RPTOR: variants seen among roughly 807,000 people sequenced by gnomAD.
RPTOR encodes regulatory-associated protein of mTOR.
RPTOR carries 21 observed loss-of-function variants against 169.9 expected under a neutral mutation model. The ratio of observed to expected loss-of-function variants is 0.12; its 90% CI spans 0.09 to 0.18. The LOEUF is 0.18. Ranked by LOEUF, RPTOR falls within the 10% of genes least tolerant of loss-of-function variation. RPTOR has a pLI of 1.00. For missense variants in RPTOR, 1,133 were observed against 1,855.9 expected (o/e 0.61, Z 7.16); for synonymous variants, 732 against 753.2 (o/e 0.97, Z 0.46).
intron 3 of RPTOR, among the ~76,000 whole-genome samples, chr17:80,661,415 C>T (rs2065722928): frequency 6.6e-6 from 1 of 152,160 alleles, no homozygotes; most frequent in Admixed American, 6.5e-5. Context: ...AGAGGAGTCG[C>T]GCGGGAGCCC....
intron 3 of RPTOR, among the ~76,000 whole-genome samples, chr17:80,678,393 C>G (rs1041937992): frequency 2.0e-5 from 3 of 152,026 alleles, no homozygotes; most frequent in African/African-American, 7.2e-5. Context: ...TGGCTTGAGC[C>G]CAGGAGTTCG....
At chr17:80,581,905 T>C (rs1217198293) in intron 1 of RPTOR, among the ~76,000 whole-genome samples, 1 of 152,230 alleles carries the variant, frequency 6.6e-6, no homozygotes, top group African/African-American at 2.4e-5. Flanking sequence ...TCTAGGACCC[T>C]GAGAAACCTG....
intron 33 of RPTOR, 122 bp from the exon 34 acceptor site, chr17:80,964,140 C>A: frequency 1.2e-6 from 1 of 827,786 alleles, no homozygotes. Flanking sequence ...CTGAGGTGGG[C>A]GTGGGGGTTC....
At chr17:80,888,137 G>C (rs903506601) in intron 17 of RPTOR, among the ~76,000 whole-genome samples, 1 of 152,126 alleles carries the variant, frequency 6.6e-6, no homozygotes, top group Non-Finnish European at 1.5e-5. Context: ...ATTTTATTTT[G>C]AAACAGAGTC....
rs147360554 is a variant in RPTOR, at chr17:80,872,256, C to T, written c.1510-8159C>T. Among the ~76,000 whole-genome samples the T allele has an allele frequency of 3.0e-3, 461 of 152,322 alleles. 5 individuals are homozygous for T. The highest frequency in any genetic ancestry group is 4.3e-3 in the Non-Finnish European group (291 of 68,020). ...TTGAGGGGACTCCGGGTGATGCTTT[C>T]GTCGTTTGGAAAGTAGCACTGCTGT... On this transcript the variant is annotated intron_variant, in intron 13 of 33. Transcript: ENST00000306801.
chr17:80,844,976 G>GTTT lies in RPTOR; in HGVS notation c.1213-1486_1213-1484dup, dbSNP rs35113597. On this transcript the variant is annotated intron_variant, in intron 10 of 33. Transcript: ENST00000306801. This position sits in a 1 kb window ranked among gnomAD's most constrained non-coding sequence, Gnocchi z 4.7. Reference sequence around the variant, plus strand: ...GGATGGGAGAGAGAGGCTGGTAGTTGTTTTTTTTTTTTTCTTTAATTCTTT... The same window carrying GTTT: ...GGATGGGAGAGAGAGGCTGGTAGTTGTTTTTTTTTTTTTTTTCTTTAATTCTTT... Among the ~76,000 whole-genome samples, 15,415 of 145,162 alleles carry GTTT rather than the reference G, an allele frequency of 0.11. 864 individuals are homozygous for GTTT. Among genetic ancestry groups the GTTT allele is most frequent in the Middle Eastern group, 0.14 (37 of 270 alleles).
chr17:80,940,514 C>A lies in RPTOR; in HGVS notation c.2938C>A (p.Leu980Met). 1.9e-6 allele frequency: 3 copies of A among 1,613,788 alleles called. No individual in the cohort carries two copies. In the Admixed American group the frequency reaches 5.0e-5, roughly 27 times the overall value. ...GTTGAAGATCCCAGAAGAGCACGACCTGGAGAGTCAGATCCGCAAGGAGCG... is the reference window on the plus strand; with the variant it reads ...GTTGAAGATCCCAGAAGAGCACGACATGGAGAGTCAGATCCGCAAGGAGCG... ...PVMKIPEEHD[L>M]ESQIRKEREW... Residue 980 changes from leucine (L) to methionine (M), a missense_variant, in exon 25 of 34, where the codon CTG becomes ATG. Around this residue, in one of 9 missense-constraint regions of RPTOR, gnomAD observed 410 missense variants for 623.7 expected, o/e 0.66. Transcript: ENST00000306801.
chr17:80,809,019 T>G (rs2067246586), intron 7 of RPTOR, among the ~76,000 whole-genome samples: 1 of 152,238 alleles, frequency 6.6e-6, no homozygotes, highest in South Asian at 2.1e-4. Flanking sequence ...TTCTCCTGGA[T>G]AAATACCGGA....
At chr17:80,949,309 C>T (rs951600573) in intron 27 of RPTOR, 134 bp from the exon 28 acceptor site, 49 of 757,652 alleles carry the variant, frequency 6.5e-5, no homozygotes, top group Admixed American at 4.5e-4. Context: ...TCTGGAACCA[C>T]GGGTAGTGAG....
Position 80,963,071 on chromosome 17 carries a change from TGGGTGGG to T in RPTOR, c.3939+17_3939+23del. The T allele has an allele frequency of 8.3e-6, 1 of 120,856 alleles. No homozygotes were observed. 7.5% of individuals were successfully genotyped at this position (120,856 alleles called of 1,614,324 possible). On this transcript the variant is annotated intron_variant, in intron 33 of 33. Transcript: ENST00000306801. ...CACCCGCACTGGGTCAGTGTGGCGG[TGGGTGGG>T]GGTCGGGGGTCGGGGGCTGGGGTAG...
At chr17:80,855,413 T>C (rs2143743967) in intron 11 of RPTOR, 51 bp from the exon 12 acceptor site, 1 of 1,369,736 alleles carries the variant, frequency 7.3e-7, no homozygotes, top group Non-Finnish European at 1.0e-6. Context: ...CGTTTCGGGG[T>C]TGCACACCAG....
chr17:80,611,938 C>T (rs1363933389), intron 1 of RPTOR, among the ~76,000 whole-genome samples: 2 of 152,114 alleles, frequency 1.3e-5, no homozygotes, highest in Non-Finnish European at 2.9e-5. Flanking sequence ...CATCATTTCA[C>T]TTGTCTTTTC....
intron 13 of RPTOR, among the ~76,000 whole-genome samples, chr17:80,865,646 A>G (rs1223695355): frequency 6.6e-6 from 1 of 152,144 alleles, no homozygotes; most frequent in Non-Finnish European, 1.5e-5. Context: ...ATAGAGTTTC[A>G]AAATACATCC....
At position 80,651,994 on chromosome 17, in the gene RPTOR, G is replaced by T. The variant is rs117359553; in HGVS notation, c.348+8184G>T. Among the ~76,000 whole-genome samples, 3 of 143,084 alleles carry T rather than the reference G, an allele frequency of 2.1e-5. No homozygotes were observed. The highest frequency in any genetic ancestry group is 8.2e-5 in the African/African-American group (3 of 36,676). 93.9% of individuals were successfully genotyped at this position (143,084 alleles called of 152,430 possible). A position where few individuals can be genotyped will look rare whatever the true frequency, so the allele number is the denominator to read the frequency against. On this transcript the variant is annotated intron_variant, in intron 3 of 33. Transcript: ENST00000306801. This position sits in a 1 kb window ranked among gnomAD's most constrained non-coding sequence, Gnocchi z 4.1. ...CTGCACTCCAGCCTGGGGCGACAGC[G>T]TGAGACTCCGTCTCAAAAAAAAAAA...
At chr17:80,775,788 T>A (rs1463907394) in intron 6 of RPTOR, among the ~76,000 whole-genome samples, 1 of 152,234 alleles carries the variant, frequency 6.6e-6, no homozygotes, top group Non-Finnish European at 1.5e-5. Flanking sequence ...AAAGAAAAAT[T>A]ACCCAGAATC....
At chr17:80,797,689 C>T (rs2067114225) in intron 7 of RPTOR, among the ~76,000 whole-genome samples, 1 of 152,252 alleles carries the variant, frequency 6.6e-6, no homozygotes, top group South Asian at 2.1e-4. Flanking sequence ...GTGGTTTTTA[C>T]AGTCAGAGGA....
chr17:80,893,733 G>A lies in RPTOR; in HGVS notation c.2269G>A (p.Gly757Arg), dbSNP rs185118480. The A allele has an allele frequency of 3.1e-5, 50 of 1,609,400 alleles. 1 individual carries two copies. Among genetic ancestry groups the A allele is most frequent in the Non-Finnish European group, 1.5e-5 (18 of 1,177,642 alleles). Residue 757 changes from glycine (G) to arginine (R), a missense_variant, in exon 20 of 34, where the codon GGA becomes AGA. Coordinates refer to ENST00000306801, the MANE Select transcript of RPTOR (RefSeq NM_020761.3). ...ESGGAVAFSP[G>R]NLSTSSSASS... The stretch of plus-strand genomic sequence containing the variant: ...TGGTGGCGCGGTGGCGTTCTCCCCC[G>A]GAAACCTCAGCACCAGCAGCAGCGC...
chr17:80,700,644 T>TGGTGGTGATGATGGTGAC (rs2066083992), intron 3 of RPTOR, among the ~76,000 whole-genome samples: 1 of 148,298 alleles, frequency 6.7e-6, no homozygotes, highest in African/African-American at 2.5e-5. Context: ...ATGATGGTGG[T>TGGTGGTGATGATGGTGAC]GGTGATGGTA....
intron 10 of RPTOR, among the ~76,000 whole-genome samples, chr17:80,843,840 G>A (rs1271703318): frequency 1.3e-5 from 2 of 152,194 alleles, no homozygotes; most frequent in Non-Finnish European, 2.9e-5. Flanking sequence ...CAGCCTCTCA[G>A]CCGGCCTTCC....
Sources: gnomAD v4.1 joint callset for allele counts (sites outside exome capture counted in the v4.1 genomes callset) on GRCh38, gnomAD v4.1.1 for gene constraint, gnomAD v4.1.1 regional missense constraint, Gnocchi (gnomAD v3.1) non-coding constraint, MANE v1.5 for transcripts, NCBI Gene and HGNC (gene_info 2026-07-23, HGNC 2026-07-21) for gene names.